CHD1L: variants seen among roughly 807,000 people sequenced by gnomAD.
CHD1L encodes the protein ATP-dependent chromatin remodeler CHD1L.
CHD1L carries 118 observed loss-of-function variants against 115.9 expected under a neutral mutation model. The observed-to-expected ratio is 1.02, with a 90% CI of 0.88 to 1.19. The LOEUF is 1.19. Ranked by LOEUF, CHD1L falls within the 50% of genes most tolerant of loss-of-function variation. The pLI is 0.00. For synonymous variants in CHD1L, 411 were observed against 387.1 expected, an observed-to-expected ratio of 1.06 and a Z score of -0.72; for missense variants, 1,179 against 1,065.3, an observed-to-expected ratio of 1.11 and a Z score of -1.49.
intron 17 of CHD1L, among the ~76,000 whole-genome samples, chr1:147,285,937 G>A (rs143992740): frequency 1.3e-5 from 2 of 152,228 alleles, no homozygotes; most frequent in African/African-American, 2.4e-5. Flanking sequence ...GGCCCAAGCT[G>A]TCTTTCTGCC....
intron 1 of CHD1L, among the ~76,000 whole-genome samples, chr1:147,243,481 C>T (rs1665534993): frequency 6.6e-6 from 1 of 152,074 alleles, no homozygotes. Flanking sequence ...GATTTATTGA[C>T]ACTAGCCCTT....
At chr1:147,275,501 C>G (rs1559831644) in intron 13 of CHD1L, 33 bp downstream of exon 13, 2 of 1,528,330 alleles carry the variant, frequency 1.3e-6, no homozygotes, top group East Asian at 4.5e-5. Context: ...CTTGGCTTGC[C>G]CAGCAGCAGT....
At chr1:147,216,668 A>C in the CHD1L span, among the ~76,000 whole-genome samples, 15 of 152,284 alleles carry the variant, frequency 9.9e-5, no homozygotes, top group South Asian at 1.7e-3. Flanking sequence ...CTAAATGCCC[A>C]AAAAAACAAC....
chr1:147,263,857 A>T (rs1559780972), intron 6 of CHD1L, among the ~76,000 whole-genome samples: 1 of 151,600 alleles, frequency 6.6e-6, no homozygotes. Flanking sequence ...ATTTAAGGAA[A>T]TTTTTTTTCC....
chr1:147,269,052 C>T (rs1431709741), intron 10 of CHD1L, among the ~76,000 whole-genome samples, 174 bp downstream of exon 10: 1 of 152,170 alleles, frequency 6.6e-6, no homozygotes, highest in Non-Finnish European at 1.5e-5. Context: ...CACTCCACCC[C>T]TTCCACAATC....
chr1:147,289,012 T>C (rs1268813851), intron 19 of CHD1L, among the ~76,000 whole-genome samples: 1 of 152,176 alleles, frequency 6.6e-6, no homozygotes, highest in Non-Finnish European at 1.5e-5. Flanking sequence ...GATATTGTTT[T>C]TTCCTAATTC....
At chr1:147,236,549 C>T in the CHD1L span, among the ~76,000 whole-genome samples, 1 of 152,136 alleles carries the variant, frequency 6.6e-6, no homozygotes, top group African/African-American at 2.4e-5. Context: ...GGCAGGTTGT[C>T]CCATTGAGTG....
chr1:147,227,830 C>G, the CHD1L span, among the ~76,000 whole-genome samples: 2 of 152,322 alleles, frequency 1.3e-5, no homozygotes, highest in East Asian at 3.9e-4. Context: ...AGTCTCACCT[C>G]TACTCAGATG....
chr1:147,188,245 G>A, the CHD1L span, among the ~76,000 whole-genome samples: 1 of 152,098 alleles, frequency 6.6e-6, no homozygotes, highest in Non-Finnish European at 1.5e-5. Context: ...TCATGAGGTT[G>A]GGCGTGGTGT....
chr1:147,208,867 AG>A, the CHD1L span: 2 of 1,614,012 alleles, frequency 1.2e-6, no homozygotes, highest in Non-Finnish European at 1.7e-6. Context: ...TTTAGGCTTC[AG>A]GCCAAACATT....
chr1:147,270,110 C>G (rs1675560744), intron 10 of CHD1L, among the ~76,000 whole-genome samples: 1 of 152,148 alleles, frequency 6.6e-6, no homozygotes, highest in Non-Finnish European at 1.5e-5. Flanking sequence ...CTTTCTCTAC[C>G]CATTTGGGGC....
the CHD1L span, among the ~76,000 whole-genome samples, chr1:147,232,088 A>G: frequency 6.6e-6 from 1 of 152,198 alleles, no homozygotes; most frequent in Non-Finnish European, 1.5e-5. Context: ...CCCAGAGGCC[A>G]CTTTTAAATG....
At chr1:147,218,935 C>A in the CHD1L span, among the ~76,000 whole-genome samples, 904 of 152,290 alleles carry the variant, frequency 5.9e-3, 4 homozygotes, top group Middle Eastern at 0.01. Flanking sequence ...TCCCAAAACT[C>A]TCTGTTCATA....
the CHD1L span, among the ~76,000 whole-genome samples, chr1:147,237,029 C>G: frequency 8.2e-6 from 1 of 122,630 alleles, no homozygotes; most frequent in South Asian, 2.9e-4. Flanking sequence ...CAGGCAAGCA[C>G]AGAGGCTGAG....
At chr1:147,233,110 C>T in the CHD1L span, among the ~76,000 whole-genome samples, 3 of 151,848 alleles carry the variant, frequency 2.0e-5, no homozygotes, top group Non-Finnish European at 2.9e-5. Flanking sequence ...TCTGCCCCGC[C>T]GCCCCATCTG....
chr1:147,214,156 A>G, the CHD1L span, among the ~76,000 whole-genome samples: 9 of 152,306 alleles, frequency 5.9e-5, no homozygotes, highest in South Asian at 1.0e-3. Context: ...ATGGACTAAT[A>G]GAGACACCAT....
intron 14 of CHD1L, 61 bp from the exon 15 acceptor site, chr1:147,279,965 T>C: frequency 6.3e-7 from 1 of 1,575,784 alleles, no homozygotes; most frequent in Admixed American, 1.7e-5. Flanking sequence ...AGCCAATCAC[T>C]GATATCCTAA....
At chr1:147,240,150 A>C (rs1664730925), upstream of CHD1L, among the ~76,000 whole-genome samples, 1 of 152,228 alleles carries the variant, frequency 6.6e-6, no homozygotes, top group Non-Finnish European at 1.5e-5. Context: ...GTGTAGAAAG[A>C]AGTAGAAATA....
chr1:147,193,227 T>A, the CHD1L span, among the ~76,000 whole-genome samples: 2 of 152,128 alleles, frequency 1.3e-5, no homozygotes, highest in African/African-American at 4.8e-5. Context: ...TTCTTCCTGG[T>A]TTAGTCTTGG....
Sources: allele counts gnomAD v4.1 joint callset (sites outside exome capture counted in the v4.1 genomes callset), GRCh38; gene constraint gnomAD v4.1.1; transcripts MANE v1.5; gene names NCBI Gene and HGNC (gene_info 2026-07-23, HGNC 2026-07-21).